The following SPEF2 variants were observed in gnomAD, a reference collection of about 807,000 sequenced individuals.
SPEF2 encodes the protein sperm flagella and cilia-associated protein 2.
A neutral mutation model predicts 224.6 loss-of-function variants in SPEF2; 187 were observed. That is an observed-to-expected ratio of 0.83 (90% CI 0.74 to 0.94). The LOEUF is 0.94. Among genes scored for constraint, SPEF2 ranks in the 40% least tolerant of loss-of-function variants. The pLI, the probability that SPEF2 is intolerant of heterozygous loss-of-function variation, is 0.00. For missense variants in SPEF2, 2,170 were observed against 2,135.6 expected (o/e 1.02, Z -0.32); for synonymous variants, 715 against 707.3 (o/e 1.01, Z -0.17).
chr5:35,727,949 A>G, intron 21 of SPEF2, 126 bp downstream of exon 21: 1 of 1,023,908 alleles, frequency 9.8e-7, no homozygotes, highest in South Asian at 1.9e-5. Context: ...TCCATCTGAG[A>G]TTTTTTTTAG....
intron 2 of SPEF2, among the ~76,000 whole-genome samples, chr5:35,637,859 T>C (rs1048037042): frequency 6.6e-6 from 1 of 152,182 alleles, no homozygotes; most frequent in Non-Finnish European, 1.5e-5. Context: ...CCAGGGTAGG[T>C]AGGTCAGTGT....
intron 2 of SPEF2, among the ~76,000 whole-genome samples, chr5:35,635,980 T>C (rs184275305): frequency 1.3e-3 from 191 of 152,304 alleles, no homozygotes; most frequent in African/African-American, 4.3e-3. Context: ...TCCTTGTGTA[T>C]AGGTCATACT....
intron 20 of SPEF2, among the ~76,000 whole-genome samples, chr5:35,723,526 G>T (rs1048451433): frequency 1.1e-4 from 17 of 152,112 alleles, no homozygotes; most frequent in African/African-American, 4.1e-4. Context: ...TGGAAAATCA[G>T]AAACATTCAA....
chr5:35,629,964 A>T (rs960809981), intron 2 of SPEF2, among the ~76,000 whole-genome samples: 1 of 152,184 alleles, frequency 6.6e-6, no homozygotes, highest in Non-Finnish European at 1.5e-5. Context: ...GATGGTTACA[A>T]TCCTCTGTTG....
intron 1 of SPEF2, among the ~76,000 whole-genome samples, chr5:35,624,600 G>T (rs1743969378): frequency 6.6e-6 from 1 of 151,364 alleles, no homozygotes; most frequent in Admixed American, 6.6e-5. Flanking sequence ...TATCACCTTT[G>T]TCCTCTCTCA....
At chr5:35,703,666 G>T (rs547806257) in intron 16 of SPEF2, among the ~76,000 whole-genome samples, 1 of 152,246 alleles carries the variant, frequency 6.6e-6, no homozygotes, top group Non-Finnish European at 1.5e-5. Context: ...CAGCGAGGTA[G>T]CGACCATGAG....
chr5:35,759,488 C>A, intron 24 of SPEF2, 80 bp from the exon 25 acceptor site: 1 of 1,224,744 alleles, frequency 8.2e-7, no homozygotes, highest in Non-Finnish European at 1.1e-6. Context: ...CAAAATAGTG[C>A]TTTCAGAGGC....
rs201634476 is a variant in SPEF2, at chr5:35,779,212, A to G, written c.4313A>G (p.Asn1438Ser). The G allele has an allele frequency of 6.0e-5, 97 of 1,613,756 alleles. No homozygotes were observed. The highest frequency in any genetic ancestry group is 1.2e-5 in the Non-Finnish European group (14 of 1,179,802). ...LYLSQEDFFI[N>S]GNIKVFPDPP... is the part of the protein sequence containing the mutation. ...TTAAGCCAAGAAGACTTCTTCATTAATGGCAATATAAAAGTCTTCCCAGAT... is the reference window on the plus strand; with the variant it reads ...TTAAGCCAAGAAGACTTCTTCATTAGTGGCAATATAAAAGTCTTCCCAGAT... Residue 1438 changes from asparagine to serine, a missense_variant, in exon 30 of 37, where the codon AAT (asparagine) becomes AGT (serine). Coordinates refer to ENST00000356031, the MANE Select transcript of SPEF2 (RefSeq NM_024867.4).
chr5:35,803,562 G>A (rs1447876249), intron 34 of SPEF2, among the ~76,000 whole-genome samples: 3 of 152,136 alleles, frequency 2.0e-5, no homozygotes, highest in Admixed American at 1.3e-4. Context: ...TTCCTGACTT[G>A]GAGTGAACCC....
At chr5:35,783,667 C>A (rs1754654886) in intron 30 of SPEF2, among the ~76,000 whole-genome samples, 1 of 152,150 alleles carries the variant, frequency 6.6e-6, no homozygotes, top group African/African-American at 2.4e-5. Flanking sequence ...AAAATGTACA[C>A]CACCTGGTAG....
chr5:35,746,252 C>A (rs534900151), intron 23 of SPEF2, among the ~76,000 whole-genome samples: 3 of 152,142 alleles, frequency 2.0e-5, no homozygotes, highest in African/African-American at 4.8e-5. Flanking sequence ...GGTAATATGA[C>A]AAAACAAGGC....
At chr5:35,753,287 A>C (rs552512534) in intron 23 of SPEF2, among the ~76,000 whole-genome samples, 2 of 152,280 alleles carry the variant, frequency 1.3e-5, no homozygotes, top group South Asian at 4.1e-4. Flanking sequence ...TTTCCCCCCC[A>C]AAATTCACTG....
At chr5:35,624,925 G>A (rs1469301822) in intron 1 of SPEF2, among the ~76,000 whole-genome samples, 1 of 152,168 alleles carries the variant, frequency 6.6e-6, no homozygotes. Flanking sequence ...GTGAGCCACG[G>A]CATCCAGCCC....
intron 30 of SPEF2, among the ~76,000 whole-genome samples, chr5:35,785,394 G>C (rs945031068): frequency 6.6e-6 from 1 of 152,124 alleles, no homozygotes; most frequent in African/African-American, 2.4e-5. Flanking sequence ...TTAGACAAAT[G>C]AAAGTATATA....
At chr5:35,740,636 G>A (rs2149692518) in intron 23 of SPEF2, among the ~76,000 whole-genome samples, 1 of 152,202 alleles carries the variant, frequency 6.6e-6, no homozygotes, top group Non-Finnish European at 1.5e-5. Flanking sequence ...AAGGAGAAGA[G>A]GAATGAGGGA....
chr5:35,777,987 C>A (rs1194541410), intron 29 of SPEF2, among the ~76,000 whole-genome samples: 1 of 152,118 alleles, frequency 6.6e-6, no homozygotes, highest in African/African-American at 2.4e-5. Flanking sequence ...CACGCAACCA[C>A]CCTAAAAGCA....
At chr5:35,751,001 A>ATATATATACG (rs1554048597) in intron 23 of SPEF2, among the ~76,000 whole-genome samples, 11 of 91,598 alleles carry the variant, frequency 1.2e-4, no homozygotes, top group Non-Finnish European at 1.8e-4. Flanking sequence ...ATATATGTAT[A>ATATATATACG]TATATATATA....
intron 17 of SPEF2, among the ~76,000 whole-genome samples, chr5:35,705,093 A>T (rs563301508): frequency 6.6e-6 from 1 of 152,186 alleles, no homozygotes; most frequent in East Asian, 1.9e-4. Context: ...ACAAAATTAT[A>T]CAATTTTATG....
chr5:35,653,666 G>C (rs1031599357), intron 6 of SPEF2, among the ~76,000 whole-genome samples: 4 of 152,114 alleles, frequency 2.6e-5, no homozygotes, highest in African/African-American at 9.7e-5. Context: ...AAAAAGTAAG[G>C]CCGGGCGCAG....
Sources: allele counts gnomAD v4.1 joint callset (sites outside exome capture counted in the v4.1 genomes callset), GRCh38; gene constraint gnomAD v4.1.1; transcripts MANE v1.5; gene names NCBI Gene and HGNC (gene_info 2026-07-23, HGNC 2026-07-21).